DPEP1: variants seen among roughly 807,000 people sequenced by gnomAD.
DPEP1 encodes the protein beta-lactamase.
Under a neutral mutation model 42.3 loss-of-function variants are expected in DPEP1, and 50 were observed. That is an observed-to-expected ratio of 1.18 (90% CI 0.94 to 1.50). The LOEUF (loss-of-function observed/expected upper bound fraction) is 1.50, where lower values mean the gene tolerates loss of function less well. Among genes scored for constraint, DPEP1 ranks in the 40% most tolerant of loss-of-function variants. The pLI is 0.00. For synonymous variants in DPEP1, 297 were observed against 234.0 expected (o/e 1.27, Z -2.46); for missense variants, 663 against 553.0 (o/e 1.20, Z -1.99).
rs181393036 is a variant in DPEP1 at position 89,624,713 on chromosome 16, T to G, written c.-106-5592T>G. On this transcript the variant is annotated intron_variant, in intron 1 of 10. Transcript: ENST00000690203. ...CCACGCCCGGCTAATTTTTGTGTTT[T>G]TAGTTGAGACGGGGTTTTTCTTTGT... is the stretch of plus-strand genomic sequence containing the variant. 1.5e-3 allele frequency among the ~76,000 whole-genome samples: 222 copies of G among 152,168 alleles called. 2 individuals carry two copies. The highest frequency in any genetic ancestry group is 5.2e-3 in the African/African-American group (216 of 41,520).
downstream of DPEP1, chr16:89,638,494 C>G: frequency 1.6e-6 from 2 of 1,267,196 alleles, no homozygotes; most frequent in Non-Finnish European, 9.9e-7. Context: ...GAAAATGGCT[C>G]CTGGTTGGAC....
downstream of DPEP1, chr16:89,638,439 G>C: frequency 1.5e-6 from 2 of 1,328,936 alleles, no homozygotes; most frequent in Non-Finnish European, 1.9e-6. Flanking sequence ...TCACATCCTG[G>C]GGTACGTGTC....
intron 1 of DPEP1, among the ~76,000 whole-genome samples, chr16:89,621,492 T>G (rs1334856794): frequency 6.6e-6 from 1 of 152,188 alleles, no homozygotes; most frequent in Non-Finnish European, 1.5e-5. Context: ...CCGGGGCTGC[T>G]GAGCCTGCTG....
At chr16:89,614,606 A>C (rs1368439935) in intron 1 of DPEP1, among the ~76,000 whole-genome samples, 1 of 152,108 alleles carries the variant, frequency 6.6e-6, no homozygotes, top group Non-Finnish European at 1.5e-5. Context: ...CATCCTGGCT[A>C]ACACGGTGAA....
chr16:89,640,086 C>T (rs575922862), downstream of DPEP1, among the ~76,000 whole-genome samples: 3 of 152,342 alleles, frequency 2.0e-5, no homozygotes, highest in South Asian at 2.1e-4. Context: ...GTGGTCCAGG[C>T]GTGAGCTGCC....
chr16:89,637,585 A>G (rs2059699663), intron 8 of DPEP1, 33 bp downstream of exon 8: 3 of 1,612,770 alleles, frequency 1.9e-6, no homozygotes, highest in Non-Finnish European at 2.5e-6. Context: ...AGGGGGCCGA[A>G]GGGGGAGGGC....
chr16:89,637,100 A>C (rs1597774531), intron 6 of DPEP1, 104 bp from the exon 7 acceptor site: 1 of 1,533,934 alleles, frequency 6.5e-7, no homozygotes. Context: ...GTGGCCCCGG[A>C]CTTCCAGCCA....
chr16:89,637,743 G>C (rs376681359), intron 9 of DPEP1, 36 bp downstream of exon 9: 1 of 1,612,728 alleles, frequency 6.2e-7, no homozygotes, highest in African/African-American at 1.3e-5. Flanking sequence ...TGGATGAGCC[G>C]GGAGGTTCAT....
intron 1 of DPEP1, among the ~76,000 whole-genome samples, chr16:89,622,256 C>G (rs2059454555): frequency 6.6e-6 from 1 of 152,148 alleles, no homozygotes; most frequent in Non-Finnish European, 1.5e-5. Context: ...CTAAGCCTCA[C>G]TATGGCCAGG....
downstream of DPEP1, chr16:89,640,546 C>T (rs1351764227): frequency 1.0e-6 from 1 of 984,166 alleles, no homozygotes; most frequent in Non-Finnish European, 1.2e-6. Flanking sequence ...GCGTCCTGAT[C>T]TTCCAGGATG....
At chr16:89,637,012 C>G in intron 6 of DPEP1, 77 bp downstream of exon 6, 1 of 1,579,980 alleles carries the variant, frequency 6.3e-7, no homozygotes, top group Non-Finnish European at 8.6e-7. Flanking sequence ...CAATGCATCT[C>G]CTCACGTGGG....
At chr16:89,631,260 A>C (rs28440078) in intron 2 of DPEP1, among the ~76,000 whole-genome samples, 8,232 of 148,540 alleles carry the variant, frequency 0.055, 721 homozygotes, top group African/African-American at 0.19. Context: ...TCGCTGGGGC[A>C]CCTGGGTCAC....
intron 2 of DPEP1, among the ~76,000 whole-genome samples, chr16:89,634,029 C>T (rs2059625439): frequency 6.6e-6 from 1 of 152,030 alleles, no homozygotes. Flanking sequence ...GAGATCGTAG[C>T]CTAGAGCCTG....
chr16:89,630,779 G>A (rs2059577867), intron 2 of DPEP1, among the ~76,000 whole-genome samples: 1 of 149,718 alleles, frequency 6.7e-6, no homozygotes, highest in Admixed American at 6.7e-5. Flanking sequence ...TGGGGCTGGG[G>A]GAGCTGGGGG....
At chr16:89,633,646 G>C (rs922203413) in intron 2 of DPEP1, among the ~76,000 whole-genome samples, 1 of 152,242 alleles carries the variant, frequency 6.6e-6, no homozygotes, top group Non-Finnish European at 1.5e-5. Flanking sequence ...GTTACAGATG[G>C]GGAAACTGAG....
chr16:89,636,208 G>A (rs911398476), intron 3 of DPEP1, 56 bp from the exon 4 acceptor site: 52 of 1,571,590 alleles, frequency 3.3e-5, no homozygotes, highest in Admixed American at 2.4e-4. Context: ...ACAGGCATGC[G>A]GGGGGTGGGC....
At chr16:89,634,770 CCCTTCCTTCTCCTTT>C (rs1268830562) in intron 2 of DPEP1, among the ~76,000 whole-genome samples, 15 of 34,990 alleles carry the variant, frequency 4.3e-4, no homozygotes, top group Non-Finnish European at 8.9e-4. Flanking sequence ...CTTCTCCTTT[CCCTTCCTTCTCCTTT>C]CCCTTCCTTC....
At chr16:89,635,849 G>A in intron 2 of DPEP1, 59 bp from the exon 3 acceptor site, 1 of 1,526,642 alleles carries the variant, frequency 6.6e-7, no homozygotes, top group Non-Finnish European at 8.8e-7. Flanking sequence ...CAGGAGCTCG[G>A]AAGCCCCCAG....
chr16:89,621,794 T>C (rs2059449563), intron 1 of DPEP1, among the ~76,000 whole-genome samples: 1 of 152,176 alleles, frequency 6.6e-6, no homozygotes, highest in African/African-American at 2.4e-5. Flanking sequence ...CACATGTCTG[T>C]TCTAGGTACG....
Sources: allele counts gnomAD v4.1 joint callset (sites outside exome capture counted in the v4.1 genomes callset), GRCh38; gene constraint gnomAD v4.1.1; transcripts MANE v1.5; gene names NCBI Gene and HGNC (gene_info 2026-07-23, HGNC 2026-07-21).